The following ERBB4 variants were observed in gnomAD, a reference collection of about 807,000 sequenced individuals.
The protein encoded by ERBB4 is receptor tyrosine-protein kinase erbB-4.
In ERBB4, 42 loss-of-function variants were observed where a neutral mutation model predicts 158.0. The ratio of observed to expected loss-of-function variants is 0.27; its 90% CI spans 0.21 to 0.34. ERBB4 has a LOEUF of 0.34. ERBB4 is among the 10% of genes least tolerant of loss of function. The pLI, the probability that ERBB4 is intolerant of heterozygous loss-of-function variation, is 1.00. For synonymous variants in ERBB4, 583 were observed against 558.7 expected (o/e 1.04, Z -0.61); for missense variants, 1,333 against 1,624.1 (o/e 0.82, Z 3.08).
At chr2:212,246,213 G>T (rs1385990378) in intron 1 of ERBB4, among the ~76,000 whole-genome samples, 1 of 152,112 alleles carries the variant, frequency 6.6e-6, no homozygotes, top group East Asian at 1.9e-4. Context: ...TAACTTAAAG[G>T]AATTAATTTA....
At chr2:212,423,221 T>A (rs1053777047) in intron 1 of ERBB4, among the ~76,000 whole-genome samples, 2 of 151,918 alleles carry the variant, frequency 1.3e-5, no homozygotes, top group African/African-American at 2.4e-5. Context: ...TCAGCATACA[T>A]AGAGGAACAA....
intron 1 of ERBB4, among the ~76,000 whole-genome samples, chr2:212,369,414 A>G (rs1022977024): frequency 6.6e-6 from 1 of 152,130 alleles, no homozygotes; most frequent in Non-Finnish European, 1.5e-5. Flanking sequence ...TACATGTAGC[A>G]TTGAATTAAA....
At chr2:212,152,017 A>C (rs967188304) in intron 1 of ERBB4, among the ~76,000 whole-genome samples, 2 of 152,160 alleles carry the variant, frequency 1.3e-5, no homozygotes, top group Non-Finnish European at 2.9e-5. Flanking sequence ...TCTAATTGGG[A>C]TTCTATTTTA....
In ERBB4 at chr2:211,524,680, C is replaced by CT. The variant is rs548673395; in HGVS notation, c.2487+37222_2487+37223insA. 4.6e-3 allele frequency among the ~76,000 whole-genome samples: 698 copies of CT among 152,056 alleles called. 7 individuals carry two copies. Among genetic ancestry groups the CT allele is most frequent in the African/African-American group, 0.015 (626 of 41,412 alleles). On this transcript the variant is annotated intron_variant, in intron 20 of 27. Coordinates refer to ENST00000342788, the MANE Select transcript of ERBB4 (RefSeq NM_005235.3). ...CCGCCGGCTGCTCCGAGTGCGGGGC[C>CT]GCCAAGCCCACGCCCACCCGGAACT...
At chr2:211,537,763 G>C (rs1396435006) in intron 20 of ERBB4, among the ~76,000 whole-genome samples, 1 of 151,792 alleles carries the variant, frequency 6.6e-6, no homozygotes, top group African/African-American at 2.4e-5. Flanking sequence ...TTGAGTTAAA[G>C]GGCTTAATAA....
At chr2:211,477,714 A>C (rs190556416) in intron 20 of ERBB4, among the ~76,000 whole-genome samples, 13 of 152,264 alleles carry the variant, frequency 8.5e-5, no homozygotes, top group Admixed American at 5.2e-4. Context: ...GCTATTAATA[A>C]TAGCTAACTC....
intron 1 of ERBB4, among the ~76,000 whole-genome samples, chr2:212,537,006 G>A (rs1227490732): frequency 1.3e-5 from 2 of 152,176 alleles, no homozygotes; most frequent in African/African-American, 4.8e-5. Flanking sequence ...GCGGGACCTG[G>A]TATGCGTGAA....
rs1436578544 is a variant in ERBB4, at chr2:212,373,620, G to GT, written c.82+164828dup. 2.0e-5 allele frequency among the ~76,000 whole-genome samples: 3 copies of GT among 150,278 alleles called. No homozygotes were observed. In the East Asian group the frequency reaches 5.9e-4, roughly 29 times the overall value. The stretch of plus-strand genomic sequence containing the variant: ...AAGTGAAAAGGATACAAAATGGGAG[G>GT]TATTAAGGTATCAAGTTATAGTTCT... On this transcript the variant is annotated intron_variant, in intron 1 of 27. Coordinates refer to ENST00000342788, the MANE Select transcript of ERBB4 (RefSeq NM_005235.3).
chr2:212,391,153 A>G (rs1258868127), intron 1 of ERBB4, among the ~76,000 whole-genome samples: 1 of 151,784 alleles, frequency 6.6e-6, no homozygotes, highest in African/African-American at 2.4e-5. Context: ...TGCCTTATCA[A>G]TAGAAAACAG....
At chr2:211,584,898 A>G (rs1304941910) in intron 19 of ERBB4, among the ~76,000 whole-genome samples, 2 of 151,952 alleles carry the variant, frequency 1.3e-5, no homozygotes, top group African/African-American at 4.8e-5. Context: ...TCTTTCTACA[A>G]CTTTTAAACA....
chr2:211,876,966 C>T (rs765717131), intron 3 of ERBB4, among the ~76,000 whole-genome samples: 14 of 152,136 alleles, frequency 9.2e-5, no homozygotes, highest in Non-Finnish European at 1.9e-4. Context: ...TACTGCTATT[C>T]CACATCTTAA....
At chr2:212,479,502 T>C (rs1296697961) in intron 1 of ERBB4, among the ~76,000 whole-genome samples, 3 of 152,202 alleles carry the variant, frequency 2.0e-5, no homozygotes, top group Admixed American at 6.6e-5. Context: ...GAGTACTTAC[T>C]GTGCGCCGAG....
chr2:211,478,018 A>C (rs1450494336), intron 20 of ERBB4, among the ~76,000 whole-genome samples: 1 of 152,152 alleles, frequency 6.6e-6, no homozygotes, highest in East Asian at 1.9e-4. Flanking sequence ...CCAAGCTACA[A>C]CACCACTTGG....
intron 1 of ERBB4, among the ~76,000 whole-genome samples, chr2:212,476,968 T>C (rs1417803902): frequency 6.6e-6 from 1 of 152,130 alleles, no homozygotes; most frequent in Non-Finnish European, 1.5e-5. Context: ...CTTTGGAACA[T>C]TGATTCTTCC....
At chr2:211,973,096 C>T (rs2081500998) in intron 2 of ERBB4, among the ~76,000 whole-genome samples, 1 of 150,312 alleles carries the variant, frequency 6.7e-6, no homozygotes, top group Non-Finnish European at 1.5e-5. Flanking sequence ...AACGACCCCA[C>T]AAAAAAAAGT....
At chr2:211,698,672 G>T (rs1165499279) in intron 12 of ERBB4, among the ~76,000 whole-genome samples, 7 of 151,982 alleles carry the variant, frequency 4.6e-5, no homozygotes, top group Admixed American at 2.6e-4. Context: ...AACAGTATCT[G>T]TATAAATATT....
intron 3 of ERBB4, among the ~76,000 whole-genome samples, chr2:211,860,972 A>T (rs1190544617): frequency 1.2e-4 from 9 of 75,436 alleles, no homozygotes; most frequent in South Asian, 1.0e-3. Context: ...ATATAAATAT[A>T]TTTAAATATA....
chr2:211,415,596 T>C (rs1198142065), intron 25 of ERBB4, among the ~76,000 whole-genome samples: 1 of 152,122 alleles, frequency 6.6e-6, no homozygotes, highest in Non-Finnish European at 1.5e-5. Flanking sequence ...TTTATAAAAA[T>C]CTCATGGTTA....
intron 1 of ERBB4, among the ~76,000 whole-genome samples, chr2:212,219,359 C>T (rs56204400): frequency 0.036 from 5,378 of 151,424 alleles, 290 homozygotes; most frequent in African/African-American, 0.12. Context: ...CACATTTATA[C>T]TGTAATTCTG....
Sources: gnomAD v4.1 joint callset for allele counts (sites outside exome capture counted in the v4.1 genomes callset) on GRCh38, gnomAD v4.1.1 for gene constraint, MANE v1.5 for transcripts, NCBI Gene and HGNC (gene_info 2026-07-23, HGNC 2026-07-21) for gene names.